The following RORA variants were observed in gnomAD, a reference collection of about 807,000 sequenced individuals.
RORA encodes nuclear receptor ROR-alpha.
Under a neutral mutation model 69.5 loss-of-function variants are expected in RORA, and 7 were observed. The observed-to-expected ratio is 0.10, with a 90% CI of 0.06 to 0.19. RORA has a LOEUF of 0.19. RORA is among the 10% of genes least tolerant of loss of function. The pLI is 1.00. For missense variants in RORA, 457 were observed against 663.0 expected (o/e 0.69, Z 3.41); for synonymous variants, 261 against 240.8 (o/e 1.08, Z -0.78).
At chr15:60,928,212 C>T (rs1385136402) in intron 1 of RORA, among the ~76,000 whole-genome samples, 1 of 152,200 alleles carries the variant, frequency 6.6e-6, no homozygotes, top group Admixed American at 6.5e-5. Flanking sequence ...TCACATGAGC[C>T]TTTTGCAACA....
At chr15:61,148,807 C>T (rs2079373428) in intron 1 of RORA, among the ~76,000 whole-genome samples, 1 of 151,922 alleles carries the variant, frequency 6.6e-6, no homozygotes, top group Non-Finnish European at 1.5e-5. Context: ...CTGACTAGGC[C>T]GAGGGGAAAG....
chr15:60,833,466 T>C (rs530085463), intron 1 of RORA, among the ~76,000 whole-genome samples: 10 of 152,348 alleles, frequency 6.6e-5, no homozygotes, highest in Admixed American at 3.9e-4. Flanking sequence ...TCCACCTGCC[T>C]CGGCCTCCCA....
At chr15:60,845,062 A>T (rs2073248669) in intron 1 of RORA, among the ~76,000 whole-genome samples, 2 of 152,104 alleles carry the variant, frequency 1.3e-5, no homozygotes, top group Admixed American at 6.5e-5. Context: ...TCCTCACTAA[A>T]TATTATAGTT....
chr15:60,542,818 T>C (rs2066935738), intron 2 of RORA, among the ~76,000 whole-genome samples: 1 of 151,348 alleles, frequency 6.6e-6, no homozygotes, highest in Non-Finnish European at 1.5e-5. Context: ...CCTGCATGAC[T>C]GGGCACCAAG....
intron 2 of RORA, among the ~76,000 whole-genome samples, chr15:60,585,558 C>T (rs535443082): frequency 9.2e-5 from 14 of 152,060 alleles, no homozygotes; most frequent in African/African-American, 2.2e-4. Flanking sequence ...AAAGGGGAAA[C>T]GCTGAATTTA....
chr15:61,070,578 T>C (rs2078326977), intron 1 of RORA, among the ~76,000 whole-genome samples: 1 of 152,264 alleles, frequency 6.6e-6, no homozygotes. Context: ...CATCTGCTCA[T>C]TCATTCAGCA....
At chr15:61,188,169 G>C (rs921447141) in intron 1 of RORA, among the ~76,000 whole-genome samples, 5 of 152,166 alleles carry the variant, frequency 3.3e-5, no homozygotes, top group African/African-American at 1.2e-4. Flanking sequence ...ACACACCTCA[G>C]GGCCACCTTC....
At chr15:60,843,528 G>A (rs891293431) in intron 1 of RORA, among the ~76,000 whole-genome samples, 3 of 152,152 alleles carry the variant, frequency 2.0e-5, no homozygotes, top group Non-Finnish European at 2.9e-5. Context: ...AACTGTTCTT[G>A]TTACACGTGT....
At chr15:60,983,953 CAT>C (rs1302668956) in intron 1 of RORA, among the ~76,000 whole-genome samples, 1 of 152,120 alleles carries the variant, frequency 6.6e-6, no homozygotes, top group Non-Finnish European at 1.5e-5. Flanking sequence ...TTTTTGTAAA[CAT>C]AGAGAAGAGG....
At chr15:60,805,460 A>T (rs964540636) in intron 1 of RORA, among the ~76,000 whole-genome samples, 1 of 152,200 alleles carries the variant, frequency 6.6e-6, no homozygotes, top group African/African-American at 2.4e-5. Context: ...GTCAGAAGGG[A>T]CTGGGTTTGA....
intron 1 of RORA, among the ~76,000 whole-genome samples, chr15:60,709,329 T>C (rs1299650225): frequency 6.6e-6 from 1 of 152,186 alleles, no homozygotes; most frequent in Non-Finnish European, 1.5e-5. Flanking sequence ...TTAGCATTAC[T>C]CTCATTTTAT....
At chr15:60,668,072 G>A (rs2070406553) in intron 2 of RORA, among the ~76,000 whole-genome samples, 1 of 152,156 alleles carries the variant, frequency 6.6e-6, no homozygotes, top group Non-Finnish European at 1.5e-5. Context: ...AGAGTCAGGG[G>A]CAGAGTTTGT....
At chr15:60,756,334 TG>T (rs1326907203) in intron 1 of RORA, among the ~76,000 whole-genome samples, 1 of 152,226 alleles carries the variant, frequency 6.6e-6, no homozygotes, top group Non-Finnish European at 1.5e-5. Flanking sequence ...TGTTTATTTT[TG>T]GTTAATTGTT....
chr15:60,865,757 T>C (rs889066993), intron 1 of RORA, among the ~76,000 whole-genome samples: 1 of 152,150 alleles, frequency 6.6e-6, no homozygotes, highest in East Asian at 1.9e-4. Flanking sequence ...ATTGAATGGG[T>C]TGCTTCACCC....
At chr15:60,978,194 G>A (rs1321663646) in intron 1 of RORA, among the ~76,000 whole-genome samples, 6 of 151,780 alleles carry the variant, frequency 4.0e-5, no homozygotes, top group East Asian at 1.9e-4. Flanking sequence ...CATCAACATG[G>A]CCAGCCTAGT....
At chr15:60,552,063 T>C (rs953564792) in intron 2 of RORA, among the ~76,000 whole-genome samples, 4 of 152,074 alleles carry the variant, frequency 2.6e-5, no homozygotes, top group African/African-American at 7.2e-5. Flanking sequence ...TTCACAGTGG[T>C]GGTGTTAGGG....
intron 1 of RORA, among the ~76,000 whole-genome samples, chr15:60,781,861 A>G (rs935410761): frequency 3.9e-5 from 6 of 152,232 alleles, no homozygotes; most frequent in African/African-American, 1.4e-4. Flanking sequence ...GAGTCTGGGC[A>G]GCTGTGGGTG....
chr15:60,657,993 G>A (rs1202708370), intron 2 of RORA, among the ~76,000 whole-genome samples: 1 of 152,094 alleles, frequency 6.6e-6, no homozygotes, highest in Admixed American at 6.6e-5. Flanking sequence ...TGGTGCATTC[G>A]TGGCCTTTCT....
Position 60,795,802 on chromosome 15 carries a change from C to G in RORA, c.167-117116G>C, listed in dbSNP as rs922347769. Among the ~76,000 whole-genome samples the G allele has an allele frequency of 4.6e-5, 7 of 152,126 alleles. No individual in the cohort carries two copies. In the East Asian group the frequency reaches 1.4e-3, roughly 29 times the overall value. ...CTCCATCCCTACCAGATGTGACATGCCTTGTAGACTGTAAGGCACTGCACC... is the reference window on the plus strand; with the variant it reads ...CTCCATCCCTACCAGATGTGACATGGCTTGTAGACTGTAAGGCACTGCACC... On this transcript the variant is annotated intron_variant, in intron 1 of 10. Transcript: ENST00000335670.
Sources: gnomAD v4.1 joint callset for allele counts (sites outside exome capture counted in the v4.1 genomes callset) on GRCh38, gnomAD v4.1.1 for gene constraint, MANE v1.5 for transcripts, NCBI Gene and HGNC (gene_info 2026-07-23, HGNC 2026-07-21) for gene names.